The following PSMC3IP variants were observed in gnomAD, a reference collection of about 807,000 sequenced individuals.
The protein encoded by PSMC3IP is PSMC3 interacting protein, also known as homologous-pairing protein 2 homolog.
In PSMC3IP, 26 loss-of-function variants were observed where a neutral mutation model predicts 34.9. The ratio of observed to expected loss-of-function variants is 0.74; its 90% confidence interval spans 0.55 to 1.03. PSMC3IP has a LOEUF of 1.03. PSMC3IP is among the 50% of genes least tolerant of loss of function. The probability of loss-of-function intolerance (pLI) is 0.00; values close to 1 mark genes in which losing one functional copy is unlikely to be tolerated. For missense variants in PSMC3IP, 250 were observed against 263.1 expected, an observed-to-expected ratio of 0.95 and a Z score of 0.34; for synonymous variants, 87 against 96.5, an observed-to-expected ratio of 0.90 and a Z score of 0.57.
At chr17:42,573,285 C>G (rs779155037) in intron 6 of PSMC3IP, 26 bp downstream of exon 6, 3 of 1,614,114 alleles carry the variant, frequency 1.9e-6, no homozygotes, top group Non-Finnish European at 2.5e-6. Flanking sequence ...CCTCCAGGGC[C>G]TGTCTCGGAG....
intron 3 of PSMC3IP, among the ~76,000 whole-genome samples, chr17:42,575,658 G>A (rs1419181140): frequency 6.6e-6 from 1 of 152,078 alleles, no homozygotes; most frequent in Non-Finnish European, 1.5e-5. Flanking sequence ...TGCCCTAGAG[G>A]AACTTCAGTT....
rs758884801 is a variant in PSMC3IP at position 42,572,820 on chromosome 17, C to G, written c.*148G>C. The stretch of plus-strand genomic sequence containing the variant: ...GCCCTCATCCTCTCTACCCAGTGCT[C>G]TGGTTTATGCTTGTCTCCTGACTGC... On this transcript the variant is annotated 3_prime_UTR_variant, in exon 8 of 8. Transcript: ENST00000393795. 25 of 945,728 alleles carry G rather than the reference C, an allele frequency of 2.6e-5. No homozygotes were observed. The highest frequency in any genetic ancestry group is 3.8e-5 in the Non-Finnish European group (23 of 599,780). The allele number at this position is 945,728 out of a possible 1,614,324, so 58.6% of individuals were successfully genotyped here. A position where few individuals can be genotyped will look rare whatever the true frequency, so the allele number is the denominator to read the frequency against.
In PSMC3IP at chr17:42,573,027, G is replaced by A. The variant is rs769966866; in HGVS notation, c.598-3C>T. 6.2e-7 allele frequency: 1 copy of A among 1,614,232 alleles called. No individual in the cohort carries two copies. The highest frequency in any genetic ancestry group is 1.7e-5 in the Admixed American group (1 of 60,026). ...TCCGTCTCTATCCCAACTTCCTCCT[G>A]TGAGACAGGGAGACAAGTGAATGAG... On this transcript the variant is annotated splice_region_variant and splice_polypyrimidine_tract_variant and intron_variant, in intron 7 of 7. Transcript: ENST00000393795.
intron 6 of PSMC3IP, 22 bp from the exon 7 acceptor site, chr17:42,573,188 C>A (rs1404959571): frequency 2.5e-6 from 4 of 1,614,042 alleles, no homozygotes; most frequent in Non-Finnish European, 3.4e-6. Context: ...TAAAACCACC[C>A]GTTTTCAGAT....
Position 42,573,469 on chromosome 17 carries a change from C to T in PSMC3IP, c.483+9G>A. 1 of 1,614,276 alleles carries T rather than the reference C, an allele frequency of 6.2e-7. No individual in the cohort carries two copies. Among genetic ancestry groups the T allele is most frequent in the African/African-American group, 1.3e-5 (1 of 75,064 alleles). ...ACCTGCACAGCGGTCCTACAGCCTT[C>T]CAGCTCACCTGCTCTTTCTCTTCTG... On this transcript the variant is annotated intron_variant, in intron 5 of 7. Transcript: ENST00000393795.
chr17:42,577,456 C>T lies in PSMC3IP; in HGVS notation c.135+5G>A. On this transcript the variant is annotated splice_donor_5th_base_variant and intron_variant, in intron 2 of 7. Coordinates refer to ENST00000393795, the MANE Select transcript of PSMC3IP (RefSeq NM_016556.4). ...GGAGAGGGAATCCCGGGAGAAGGTCCTCACCGCCTTGCCCAGTCCGTGTTC... is the reference window on the plus strand; with the variant it reads ...GGAGAGGGAATCCCGGGAGAAGGTCTTCACCGCCTTGCCCAGTCCGTGTTC... 6.2e-7 allele frequency: 1 copy of T among 1,613,966 alleles called. No individual in the cohort carries two copies. The highest frequency in any genetic ancestry group is 2.2e-5 in the East Asian group (1 of 44,860).
intron 3 of PSMC3IP, among the ~76,000 whole-genome samples, chr17:42,575,063 A>G (rs929339575): frequency 2.6e-5 from 4 of 152,144 alleles, no homozygotes; most frequent in Non-Finnish European, 5.9e-5. Context: ...CTTGGGATCC[A>G]TGTAGATAAG....
At chr17:42,574,478 T>C in intron 3 of PSMC3IP, 3 of 985,778 alleles carry the variant, frequency 3.0e-6, no homozygotes, top group Non-Finnish European at 4.1e-6. Context: ...GACAGAAATC[T>C]TCCCATTTAG....
chr17:42,577,565 C>T lies in PSMC3IP; in HGVS notation c.35-4G>A, dbSNP rs1440999915. ...TACCTCAGGAGGATCCCGGCGGCTA[C>T]GGAGAGAAAGGCAGGGGAGGGGGCC... On this transcript the variant is annotated splice_region_variant and splice_polypyrimidine_tract_variant and intron_variant, in intron 1 of 7. Coordinates refer to ENST00000393795, the MANE Select transcript of PSMC3IP (RefSeq NM_016556.4). 2 of 1,614,050 alleles carry T rather than the reference C, an allele frequency of 1.2e-6. No homozygotes were observed. Among genetic ancestry groups the T allele is most frequent in the Admixed American group, 3.3e-5 (2 of 60,002 alleles).
chr17:42,573,802 T>C (rs746569023), intron 4 of PSMC3IP, 179 bp from the exon 5 acceptor site: 41 of 1,520,702 alleles, frequency 2.7e-5, no homozygotes, highest in Middle Eastern at 2.3e-4. Flanking sequence ...ACAAGTGGCG[T>C]GGGTGTGAGG....
At chr17:42,577,632 C>G (rs766262639) in intron 1 of PSMC3IP, 21 bp downstream of exon 1, 42 of 1,614,072 alleles carry the variant, frequency 2.6e-5, no homozygotes, top group Non-Finnish European at 3.6e-5. Flanking sequence ...CGGGTCTTCC[C>G]CGCGCCCACG....
rs1470583548 is a variant in PSMC3IP, at chr17:42,573,009, C to G, written c.613G>C (p.Glu205Gln). The G allele has an allele frequency of 4.3e-6, 7 of 1,614,260 alleles. No homozygotes were observed. Among genetic ancestry groups the G allele is most frequent in the Admixed American group, 1.7e-5 (1 of 60,032 alleles). The change falls in exon 8 of 8, where the codon GAG becomes CAG. Residue 205 changes from glutamate to glutamine, a missense_variant. Transcript: ENST00000393795. ...KKQFFEEVGIETDEDYNVTLP... is the reference protein window; with the variant it reads ...KKQFFEEVGIQTDEDYNVTLP... ...GTGACGTTGTAATCTTCATCCGTCT[C>G]TATCCCAACTTCCTCCTGTGAGACA...
Position 42,574,225 on chromosome 17 carries a change from G to A in PSMC3IP, c.226-15C>T. The A allele has an allele frequency of 1.2e-6, 2 of 1,612,366 alleles. No individual in the cohort carries two copies. The highest frequency in any genetic ancestry group is 1.7e-6 in the Non-Finnish European group (2 of 1,179,170). ...TCAAACTGGTCCTGCCAGACAAAGA[G>A]GGAAAATACAAGTGAACTGTTGTGA... On this transcript the variant is annotated splice_polypyrimidine_tract_variant and intron_variant, in intron 3 of 7. Coordinates refer to ENST00000393795, the MANE Select transcript of PSMC3IP (RefSeq NM_016556.4).
At position 42,574,360 on chromosome 17, in the gene PSMC3IP, T is replaced by C. The variant is rs1441816188; in HGVS notation, c.226-150A>G. On this transcript the variant is annotated intron_variant, in intron 3 of 7. Transcript: ENST00000393795. ...CTGCAGAAATAGTGGGAGAGTACTTTTGAGAAATTGTTTTCAGTTAAGGAG... is the reference window on the plus strand; with the variant it reads ...CTGCAGAAATAGTGGGAGAGTACTTCTGAGAAATTGTTTTCAGTTAAGGAG... 2.0e-6 allele frequency: 3 copies of C among 1,485,966 alleles called. No homozygotes were observed. The African/African-American group carries it at 4.2e-5, about 21-fold the overall frequency. The allele number at this position is 1,485,966 out of a possible 1,614,324, so 92.0% of individuals were successfully genotyped here.
At chr17:42,574,595 A>T (rs1436597543) in intron 3 of PSMC3IP, among the ~76,000 whole-genome samples, 2 of 152,150 alleles carry the variant, frequency 1.3e-5, no homozygotes, top group Non-Finnish European at 2.9e-5. Context: ...CAGGTGAAGA[A>T]GCATGATGGA....
At chr17:42,577,376 A>G (rs2093082557) in intron 2 of PSMC3IP, 74 bp from the exon 3 acceptor site, 1 of 1,608,138 alleles carries the variant, frequency 6.2e-7, no homozygotes, top group African/African-American at 1.3e-5. Context: ...AGTGATGTGG[A>G]AAACGCCCAA....
rs1201177833 is a variant in PSMC3IP at position 42,577,553 on chromosome 17, T to A, written c.43A>T (p.Ile15Phe). Residue 15 changes from isoleucine (I) to phenylalanine (F), a missense_variant, in exon 2 of 8, where the codon ATC (isoleucine) becomes TTC (phenylalanine). Ile to Phe is a conservative substitution (Grantham distance 21). Coordinates refer to ENST00000393795, the MANE Select transcript of PSMC3IP (RefSeq NM_016556.4). ...RAEAAAGAAG[I>F]LLRYLQEQNR... ...TGCTCCTGCAGGTACCTCAGGAGGA[T>A]CCCGGCGGCTACGGAGAGAAAGGCA... is the stretch of plus-strand genomic sequence containing the variant. 1 of 1,614,106 alleles carries A rather than the reference T, an allele frequency of 6.2e-7. No homozygotes were observed. The highest frequency in any genetic ancestry group is 8.5e-7 in the Non-Finnish European group (1 of 1,180,010).
intron 3 of PSMC3IP, 169 bp from the exon 4 acceptor site, chr17:42,574,379 T>A: frequency 6.9e-7 from 1 of 1,447,590 alleles, no homozygotes; most frequent in Non-Finnish European, 9.1e-7. Context: ...TGTTTTCAGT[T>A]AAGGAGCGGC....
At chr17:42,574,710 TCC>T (rs2093062450) in intron 3 of PSMC3IP, among the ~76,000 whole-genome samples, 1 of 56,174 alleles carries the variant, frequency 1.8e-5, no homozygotes, top group African/African-American at 3.0e-5. Flanking sequence ...CCTCCCTCCC[TCC>T]CTCCTTCCCC....
Sources: allele counts gnomAD v4.1 joint callset (sites outside exome capture counted in the v4.1 genomes callset), GRCh38; gene constraint gnomAD v4.1.1; transcripts MANE v1.5; gene names NCBI Gene and HGNC (gene_info 2026-07-23, HGNC 2026-07-21).